Variants in PRKN observed in about 807,000 individuals in gnomAD.
PRKN encodes parkin RBR E3 ubiquitin protein ligase, also known as E3 ubiquitin-protein ligase parkin.
PRKN carries 56 observed loss-of-function variants against 59.5 expected under a neutral mutation model. That is an observed-to-expected ratio of 0.94 (90% confidence interval 0.76 to 1.18). The LOEUF (loss-of-function observed/expected upper bound fraction) is 1.18. Among genes scored for constraint, PRKN ranks in the 50% most tolerant of loss-of-function variants. The pLI, the probability that PRKN is intolerant of heterozygous loss-of-function variation, is 0.00. For synonymous variants in PRKN, 250 were observed against 222.1 expected (o/e 1.13, Z -1.12); for missense variants, 657 against 596.4 (o/e 1.10, Z -1.06).
intron 7 of PRKN, among the ~76,000 whole-genome samples, chr6:161,752,263 G>A (rs553619860): frequency 4.6e-5 from 7 of 152,226 alleles, no homozygotes; most frequent in African/African-American, 1.2e-4. Context: ...CCAGCTACTC[G>A]AGAGGCTGAG....
intron 2 of PRKN, chr6:162,265,268 G>C (rs1049868337): frequency 1.3e-5 from 2 of 152,106 alleles, no homozygotes; most frequent in Non-Finnish European, 2.9e-5. Context: ...ACATTAGTGC[G>C]CATACATCAT....
chr6:162,261,524 T>G, intron 3 of PRKN, among the ~76,000 whole-genome samples: 1 of 152,268 alleles, frequency 6.6e-6, no homozygotes, highest in Non-Finnish European at 1.5e-5. Context: ...ATATTTATAT[T>G]AATATATTAT....
chr6:162,392,963 C>T (rs1202143228), intron 2 of PRKN, among the ~76,000 whole-genome samples: 1 of 151,818 alleles, frequency 6.6e-6, no homozygotes, highest in African/African-American at 2.4e-5. Context: ...GCATATAAAT[C>T]AACATCTTCA....
At chr6:162,662,551 T>C (rs1584003886) in intron 1 of PRKN, among the ~76,000 whole-genome samples, 1 of 152,340 alleles carries the variant, frequency 6.6e-6, no homozygotes, top group East Asian at 1.9e-4. Flanking sequence ...TTTAATAGTT[T>C]CAGGTCTTAC....
At chr6:162,012,556 C>T (rs991758669) in intron 5 of PRKN, among the ~76,000 whole-genome samples, 5 of 152,100 alleles carry the variant, frequency 3.3e-5, no homozygotes, top group Non-Finnish European at 5.9e-5. Context: ...TAAAAACATT[C>T]ATTTACATAA....
intron 2 of PRKN, among the ~76,000 whole-genome samples, chr6:162,362,529 T>G (rs1342923243): frequency 6.6e-6 from 1 of 152,158 alleles, no homozygotes; most frequent in Non-Finnish European, 1.5e-5. Flanking sequence ...AATTGAATAA[T>G]ATTAAAAATA....
At chr6:162,485,267 G>A (rs6455833) in intron 1 of PRKN, among the ~76,000 whole-genome samples, 34,531 of 151,990 alleles carry the variant, frequency 0.23, 4,842 homozygotes, top group African/African-American at 0.39. Context: ...GGAATGGTAC[G>A]TATTATTTTT....
chr6:162,443,650 A>G (rs1244921451), intron 1 of PRKN, among the ~76,000 whole-genome samples, 177 bp from the exon 2 acceptor site: 2 of 152,188 alleles, frequency 1.3e-5, no homozygotes, highest in East Asian at 3.9e-4. Context: ...GGAAAAACAG[A>G]GTTAGTTACC....
intron 1 of PRKN, among the ~76,000 whole-genome samples, chr6:162,545,252 C>T (rs541784937): frequency 7.9e-5 from 12 of 152,164 alleles, no homozygotes; most frequent in African/African-American, 2.6e-4. Context: ...CACGCCACTG[C>T]ACTCCAGCCT....
At chr6:162,114,125 G>C in intron 4 of PRKN, among the ~76,000 whole-genome samples, 1 of 151,824 alleles carries the variant, frequency 6.6e-6, no homozygotes, top group Non-Finnish European at 1.5e-5. Flanking sequence ...TAGCCTTGTA[G>C]TATAGTTTGA....
At chr6:162,315,398 G>A (rs953641087) in intron 2 of PRKN, among the ~76,000 whole-genome samples, 4 of 152,154 alleles carry the variant, frequency 2.6e-5, no homozygotes, top group African/African-American at 4.8e-5. Context: ...TTGTAAGGCC[G>A]CCTGTAGGAA....
intron 9 of PRKN, among the ~76,000 whole-genome samples, chr6:161,439,883 T>C (rs913056737): frequency 2.6e-5 from 4 of 152,132 alleles, no homozygotes; most frequent in Non-Finnish European, 5.9e-5. Flanking sequence ...GTCAAGGTCG[T>C]CCCAGTAGAG....
Position 162,103,225 on chromosome 6 carries a change from G to A in PRKN, c.535-49051C>T, listed in dbSNP as rs1204280752. Among the ~76,000 whole-genome samples, 3 of 151,942 alleles carry A rather than the reference G, an allele frequency of 2.0e-5. No homozygotes were observed. In the South Asian group the frequency reaches 6.2e-4, roughly 32 times the overall value. ...AAAGAAAAAGAAAAAAAGCTGTTCA[G>A]TTTTGTTTAAATTAATTTCTAAATA... is the stretch of plus-strand genomic sequence containing the variant. On this transcript the variant is annotated intron_variant, in intron 4 of 11. Transcript: ENST00000366898.
At chr6:162,402,985 C>A (rs1718264339) in intron 2 of PRKN, among the ~76,000 whole-genome samples, 1 of 152,022 alleles carries the variant, frequency 6.6e-6, no homozygotes, top group African/African-American at 2.4e-5. Context: ...GGATATCTGG[C>A]CAGTGTTGGG....
At chr6:162,658,658 C>CAAAAAAAAAAAAAAAAAAAAAAAAAAAA (rs57853171) in intron 1 of PRKN, among the ~76,000 whole-genome samples, 1 of 109,112 alleles carries the variant, frequency 9.2e-6, no homozygotes, top group Non-Finnish European at 1.9e-5. Flanking sequence ...GAGACTCTGT[C>CAAAAAAAAAAAAAAAAAAAAAAAAAAAA]AAAAAAAAAA....
intron 7 of PRKN, among the ~76,000 whole-genome samples, chr6:161,769,967 C>T (rs558023696): frequency 1.3e-5 from 2 of 152,154 alleles, no homozygotes; most frequent in Non-Finnish European, 2.9e-5. Flanking sequence ...ACAATCCATC[C>T]TGGGAGAGCC....
intron 6 of PRKN, among the ~76,000 whole-genome samples, chr6:161,786,664 A>G (rs1035658005): frequency 6.6e-6 from 1 of 152,150 alleles, no homozygotes. Flanking sequence ...CCCCACTATC[A>G]AAAGAAAAAT....
At chr6:162,453,314 CCT>C (rs974860953) in intron 1 of PRKN, among the ~76,000 whole-genome samples, 2 of 152,190 alleles carry the variant, frequency 1.3e-5, no homozygotes, top group Non-Finnish European at 1.5e-5. Flanking sequence ...AGAATTCCCT[CCT>C]CTCTCTCTTT....
chr6:162,053,725 C>G (rs898678908), intron 5 of PRKN, among the ~76,000 whole-genome samples: 1 of 152,080 alleles, frequency 6.6e-6, no homozygotes, highest in African/African-American at 2.4e-5. Context: ...TAAAATATCA[C>G]TGGAGCAGGA....
Sources: gnomAD v4.1 joint callset for allele counts (sites outside exome capture counted in the v4.1 genomes callset) on GRCh38, gnomAD v4.1.1 for gene constraint, MANE v1.5 for transcripts, NCBI Gene and HGNC (gene_info 2026-07-23, HGNC 2026-07-21) for gene names.